PRKN: variants seen among roughly 807,000 people sequenced by gnomAD.
The protein encoded by PRKN is E3 ubiquitin-protein ligase parkin.
Under a neutral mutation model 59.5 loss-of-function variants are expected in PRKN, and 56 were observed. The observed-to-expected ratio is 0.94, with a 90% CI of 0.76 to 1.18. The LOEUF is 1.18. Ranked by LOEUF, PRKN falls within the 50% of genes most tolerant of loss-of-function variation. The pLI is 0.00. For synonymous variants in PRKN, 250 were observed against 222.1 expected, an observed-to-expected ratio of 1.13 and a Z score of -1.12; for missense variants, 657 against 596.4, an observed-to-expected ratio of 1.10 and a Z score of -1.06.
intron 7 of PRKN, among the ~76,000 whole-genome samples, chr6:161,662,814 C>T (rs1471369680): frequency 6.6e-6 from 1 of 152,084 alleles, no homozygotes; most frequent in African/African-American, 2.4e-5. Flanking sequence ...AGGGTCTAAT[C>T]GAACACATGA....
Position 162,029,432 on chromosome 6 carries a change from C to G in PRKN, c.618+24659G>C, listed in dbSNP as rs74732616. On this transcript the variant is annotated intron_variant, in intron 5 of 11. Transcript: ENST00000366898. ...AAGTTCCTGAAGTTAAGGGATGTGGCTTTCACATCCTTGTATTTCCCACAG... is the reference window on the plus strand; with the variant it reads ...AAGTTCCTGAAGTTAAGGGATGTGGGTTTCACATCCTTGTATTTCCCACAG... 3.9e-5 allele frequency among the ~76,000 whole-genome samples: 6 copies of G among 152,270 alleles called. No homozygotes were observed. The East Asian group carries it at 1.2e-3, about 29-fold the overall frequency.
intron 5 of PRKN, among the ~76,000 whole-genome samples, chr6:162,051,855 G>T (rs1777660098): frequency 6.6e-6 from 1 of 152,196 alleles, no homozygotes; most frequent in African/African-American, 2.4e-5. Flanking sequence ...GACCCAAGGG[G>T]TGTCAGCTGG....
intron 7 of PRKN, among the ~76,000 whole-genome samples, chr6:161,681,557 C>T (rs1218639664): frequency 6.6e-6 from 1 of 152,046 alleles, no homozygotes; most frequent in African/African-American, 2.4e-5. Context: ...TGATTTCCTA[C>T]AATGCTCATT....
intron 4 of PRKN, among the ~76,000 whole-genome samples, chr6:162,144,497 A>AGATCAGCTGGTGTAGGTTT (rs1583098388): frequency 6.6e-6 from 1 of 152,320 alleles, no homozygotes; most frequent in East Asian, 1.9e-4. Context: ...TGCTGTCAGA[A>AGATCAGCTGGTGTAGGTTT]GATCAGCTGG....
intron 4 of PRKN, among the ~76,000 whole-genome samples, chr6:162,105,205 C>T (rs1780140716): frequency 6.6e-6 from 1 of 152,072 alleles, no homozygotes; most frequent in South Asian, 2.1e-4. Context: ...ACACCTGAAA[C>T]CTACATATGA....
At chr6:161,937,200 A>C (rs534015146) in intron 6 of PRKN, among the ~76,000 whole-genome samples, 6 of 152,382 alleles carry the variant, frequency 3.9e-5, no homozygotes, top group Admixed American at 2.0e-4. Context: ...GGGATGGACT[A>C]AACGGCTGCT....
intron 2 of PRKN, among the ~76,000 whole-genome samples, chr6:162,303,459 C>T (rs1782057010): frequency 1.3e-5 from 2 of 152,136 alleles, no homozygotes; most frequent in African/African-American, 4.8e-5. Flanking sequence ...TCCATCAATC[C>T]AAACCTTTGA....
intron 1 of PRKN, among the ~76,000 whole-genome samples, chr6:162,515,251 T>G (rs1047831016): frequency 1.4e-4 from 22 of 151,994 alleles, no homozygotes; most frequent in African/African-American, 5.1e-4. Flanking sequence ...CCCAGCTAAT[T>G]TTTGTATTTT....
At chr6:162,406,696 G>A (rs1788090561) in intron 2 of PRKN, among the ~76,000 whole-genome samples, 1 of 152,158 alleles carries the variant, frequency 6.6e-6, no homozygotes, top group African/African-American at 2.4e-5. Flanking sequence ...AGAAGAGATA[G>A]GAGCGCACTA....
rs539762935 is a variant in PRKN, at chr6:161,428,775, G to C, written c.1084-41898C>G. Among the ~76,000 whole-genome samples, 4 of 152,198 alleles carry C rather than the reference G, an allele frequency of 2.6e-5. No individual in the cohort carries two copies. In the South Asian group the frequency reaches 8.3e-4, roughly 32 times the overall value. ...CTCTACCTTGGAAAACCTCCATCTT[G>C]TCATATATGGGCAAGCATTCATGTA... On this transcript the variant is annotated intron_variant, in intron 9 of 11. Transcript: ENST00000366898. The surrounding 1 kb of genome is among the most constrained non-coding windows in gnomAD (Gnocchi z 4.0).
chr6:162,649,821 AG>A (rs1320218555), intron 1 of PRKN, among the ~76,000 whole-genome samples: 1 of 152,224 alleles, frequency 6.6e-6, no homozygotes, highest in Non-Finnish European at 1.5e-5. Flanking sequence ...TAAGCCGAGC[AG>A]GGCTGGGGAT....
intron 2 of PRKN, among the ~76,000 whole-genome samples, chr6:162,383,817 A>G (rs1486031703): frequency 6.6e-6 from 1 of 152,202 alleles, no homozygotes; most frequent in African/African-American, 2.4e-5. Flanking sequence ...GATGATCATA[A>G]CCAGAACTTC....
intron 2 of PRKN, among the ~76,000 whole-genome samples, chr6:162,437,975 A>G (rs1789860910): frequency 6.6e-6 from 1 of 152,212 alleles, no homozygotes; most frequent in South Asian, 2.1e-4. Context: ...TGGTAAATAC[A>G]TATGTCATTT....
intron 9 of PRKN, among the ~76,000 whole-genome samples, chr6:161,411,452 C>A (rs905496352): frequency 2.6e-5 from 4 of 152,298 alleles, no homozygotes; most frequent in East Asian, 3.9e-4. Context: ...TCAGTTAAAC[C>A]TCTCTCCTTG....
In PRKN at chr6:162,056,308, C is replaced by T. The variant is rs370856145; in HGVS notation, c.535-2134G>A. On this transcript the variant is annotated intron_variant, in intron 4 of 11. Transcript: ENST00000366898. The surrounding 1 kb of genome is among the most constrained non-coding windows in gnomAD (Gnocchi z 4.9). ...ACACCACACATGCATAAACACACCACGCACACACGCACACACACACAATAC... is the reference window on the plus strand; with the variant it reads ...ACACCACACATGCATAAACACACCATGCACACACGCACACACACACAATAC... 2.4e-4 allele frequency among the ~76,000 whole-genome samples: 36 copies of T among 151,502 alleles called. 1 individual carries two copies. The East Asian group carries it at 6.2e-3, about 26-fold the overall frequency.
Position 161,684,073 on chromosome 6 carries a change from T to C in PRKN, c.871+101699A>G, listed in dbSNP as rs112833819. Among the ~76,000 whole-genome samples, 308 of 152,288 alleles carry C rather than the reference T, an allele frequency of 2.0e-3. 2 individuals are homozygous for C. Among genetic ancestry groups the C allele is most frequent in the African/African-American group, 7.1e-3 (297 of 41,564 alleles). ...ATATTCTAAGTATTTTAAAAAGATA[T>C]ATTCAAAATAATTAAAATGTTTCTC... On this transcript the variant is annotated intron_variant, in intron 7 of 11. Coordinates refer to ENST00000366898, the MANE Select transcript of PRKN (RefSeq NM_004562.3).
At chr6:161,752,644 G>A (rs367918885) in intron 7 of PRKN, among the ~76,000 whole-genome samples, 4 of 152,174 alleles carry the variant, frequency 2.6e-5, no homozygotes, top group African/African-American at 9.7e-5. Context: ...AGTGAGCTAT[G>A]ATCATGCCAC....
rs1321358532 is a variant in PRKN, at chr6:161,746,239, C to A, written c.871+39533G>T. Among the ~76,000 whole-genome samples, 3 of 152,226 alleles carry A rather than the reference C, an allele frequency of 2.0e-5. No homozygotes were observed. The East Asian group carries it at 5.8e-4, about 30-fold the overall frequency. On this transcript the variant is annotated intron_variant, in intron 7 of 11. Transcript: ENST00000366898. ...AGGACCTTTTCATTGTGCCACACTG[C>A]CTTCTGTGTGTGCTCTGATGAAGAG...
At chr6:162,576,417 G>C (rs1284232306) in intron 1 of PRKN, among the ~76,000 whole-genome samples, 1 of 152,134 alleles carries the variant, frequency 6.6e-6, no homozygotes, top group African/African-American at 2.4e-5. Flanking sequence ...CTTGAACAAG[G>C]GGTGGGCAAT....
Sources: allele counts gnomAD v4.1 joint callset (sites outside exome capture counted in the v4.1 genomes callset), GRCh38; gene constraint gnomAD v4.1.1; non-coding constraint Gnocchi (gnomAD v3.1); transcripts MANE v1.5; gene names NCBI Gene and HGNC (gene_info 2026-07-23, HGNC 2026-07-21).